The following IMMP2L variants were observed in gnomAD, a reference collection of about 807,000 sequenced individuals.
IMMP2L encodes mitochondrial inner membrane protease subunit 2.
Under a neutral mutation model 19.3 loss-of-function variants are expected in IMMP2L, and 18 were observed. The observed-to-expected ratio is 0.93, with a 90% CI of 0.64 to 1.38. IMMP2L has a LOEUF of 1.38. Among genes scored for constraint, IMMP2L ranks in the 40% most tolerant of loss-of-function variants. The pLI, the probability that IMMP2L is intolerant of heterozygous loss-of-function variation, is 0.00. For missense variants in IMMP2L, 233 were observed against 218.2 expected (o/e 1.07, Z -0.43); for synonymous variants, 76 against 73.0 (o/e 1.04, Z -0.21).
intron 3 of IMMP2L, among the ~76,000 whole-genome samples, chr7:111,131,991 A>G (rs1308460366): frequency 6.6e-6 from 1 of 151,910 alleles, no homozygotes; most frequent in African/African-American, 2.4e-5. Flanking sequence ...GGAACAATCC[A>G]TCAATAGTAC....
At chr7:110,953,215 G>A (rs1472857264) in intron 4 of IMMP2L, among the ~76,000 whole-genome samples, 1 of 151,982 alleles carries the variant, frequency 6.6e-6, no homozygotes, top group Non-Finnish European at 1.5e-5. Flanking sequence ...TGTGCTGAAT[G>A]GGCAGTTTTG....
intron 3 of IMMP2L, among the ~76,000 whole-genome samples, chr7:111,000,519 T>C (rs935532470): frequency 1.3e-5 from 2 of 152,168 alleles, no homozygotes; most frequent in Non-Finnish European, 2.9e-5. Context: ...ATAGCATTTA[T>C]AACTTATTTT....
chr7:111,307,396 T>C (rs753316467), intron 3 of IMMP2L, among the ~76,000 whole-genome samples: 6 of 151,888 alleles, frequency 4.0e-5, no homozygotes, highest in Non-Finnish European at 4.4e-5. Flanking sequence ...GTTTCACTTA[T>C]GCATTTTAGT....
intron 5 of IMMP2L, among the ~76,000 whole-genome samples, chr7:110,767,073 G>T (rs1490885761): frequency 6.6e-6 from 1 of 152,126 alleles, no homozygotes; most frequent in African/African-American, 2.4e-5. Flanking sequence ...AATGCTATCA[G>T]CATTTCCTGT....
At chr7:110,984,549 T>C (rs767035976) in intron 3 of IMMP2L, among the ~76,000 whole-genome samples, 8 of 152,092 alleles carry the variant, frequency 5.3e-5, no homozygotes, top group Non-Finnish European at 7.4e-5. Context: ...TTGAAAAACA[T>C]AGTAATAATT....
In IMMP2L at chr7:111,289,140, C is replaced by T. The variant is rs190314249; in HGVS notation, c.239+198098G>A. 2.0e-5 allele frequency among the ~76,000 whole-genome samples: 3 copies of T among 152,034 alleles called. No individual in the cohort carries two copies. The East Asian group carries it at 5.8e-4, about 29-fold the overall frequency. The stretch of plus-strand genomic sequence containing the variant: ...GCAAGGACATGGATGACACTGGAAA[C>T]CATCATTCTCAGCAAACTAACACAA... On this transcript the variant is annotated intron_variant, in intron 3 of 5. Transcript: ENST00000405709.
chr7:111,264,139 C>A (rs1455904444), intron 3 of IMMP2L, among the ~76,000 whole-genome samples: 1 of 152,122 alleles, frequency 6.6e-6, no homozygotes, highest in Non-Finnish European at 1.5e-5. Context: ...AGTGTTAACA[C>A]TTAAAATGAA....
chr7:110,684,411 C>T (rs1266303128), intron 5 of IMMP2L, among the ~76,000 whole-genome samples: 1 of 151,934 alleles, frequency 6.6e-6, no homozygotes, highest in Non-Finnish European at 1.5e-5. Context: ...TTATAAATTA[C>T]CTTGAGATTA....
At chr7:111,385,494 T>C (rs2131273173) in intron 3 of IMMP2L, among the ~76,000 whole-genome samples, 1 of 152,234 alleles carries the variant, frequency 6.6e-6, no homozygotes, top group South Asian at 2.1e-4. Flanking sequence ...CACATTCGGA[T>C]ACTCCAAAAA....
chr7:110,816,216 A>G (rs979800645), intron 5 of IMMP2L, among the ~76,000 whole-genome samples: 5 of 151,926 alleles, frequency 3.3e-5, no homozygotes, highest in Non-Finnish European at 7.4e-5. Context: ...CCTTCATTTC[A>G]TTATGTACCC....
chr7:111,556,689 T>C (rs1381323178), intron 1 of IMMP2L, among the ~76,000 whole-genome samples: 1 of 152,194 alleles, frequency 6.6e-6, no homozygotes, highest in Admixed American at 6.5e-5. Flanking sequence ...TTCTCTTTTA[T>C]GGTTTCTCCT....
chr7:111,066,235 C>A (rs1292763559), intron 3 of IMMP2L, among the ~76,000 whole-genome samples: 1 of 152,138 alleles, frequency 6.6e-6, no homozygotes, highest in East Asian at 1.9e-4. Context: ...CCCAACTCGG[C>A]CTCCCAAAGT....
rs1043490733 is a variant in IMMP2L at position 111,500,562 on chromosome 7, G to A, written c.136-13221C>T. 5.3e-5 allele frequency among the ~76,000 whole-genome samples: 8 copies of A among 152,154 alleles called. No homozygotes were observed. The South Asian group carries it at 8.3e-4, about 16-fold the overall frequency. On this transcript the variant is annotated intron_variant, in intron 2 of 5. Coordinates refer to ENST00000405709, the MANE Select transcript of IMMP2L (RefSeq NM_032549.4). ...CTAAATGGGAGGCATCCGCCAGTAC[G>A]GGCAGACTGACACCTCACATGGCCG...
At chr7:111,157,143 C>G (rs1425093026) in intron 3 of IMMP2L, among the ~76,000 whole-genome samples, 1 of 151,984 alleles carries the variant, frequency 6.6e-6, no homozygotes, top group East Asian at 1.9e-4. Context: ...TAAATTAGTA[C>G]CGCCACTACA....
chr7:111,169,120 G>C (rs1806153029), intron 3 of IMMP2L, among the ~76,000 whole-genome samples: 1 of 151,908 alleles, frequency 6.6e-6, no homozygotes, highest in Non-Finnish European at 1.5e-5. Flanking sequence ...TGAGATTAAA[G>C]GAGAAGTATG....
chr7:111,061,087 G>A (rs142815544), intron 3 of IMMP2L, among the ~76,000 whole-genome samples: 4 of 152,220 alleles, frequency 2.6e-5, no homozygotes, highest in East Asian at 1.9e-4. Context: ...AAATGTATAT[G>A]CGTGAAGTCT....
In IMMP2L at chr7:110,996,303, G is replaced by T. The variant is rs114294862; in HGVS notation, c.240-32738C>A. On this transcript the variant is annotated intron_variant, in intron 3 of 5. Coordinates refer to ENST00000405709, the MANE Select transcript of IMMP2L (RefSeq NM_032549.4). Reference sequence around the variant, plus strand: ...AGTGCTGTAGGCAAATGGGAAAGTGGCCTGTGGAGGGAAAAACTACAACAC... The same window carrying T: ...AGTGCTGTAGGCAAATGGGAAAGTGTCCTGTGGAGGGAAAAACTACAACAC... 2.7e-3 allele frequency among the ~76,000 whole-genome samples: 404 copies of T among 152,234 alleles called. 1 individual carries two copies. Among genetic ancestry groups the T allele is most frequent in the African/African-American group, 9.3e-3 (385 of 41,552 alleles).
At chr7:111,412,745 G>A (rs920659288) in intron 3 of IMMP2L, among the ~76,000 whole-genome samples, 7 of 151,692 alleles carry the variant, frequency 4.6e-5, no homozygotes, top group African/African-American at 1.7e-4. Flanking sequence ...TCTGGGGATG[G>A]GAGACAGAAT....
Position 111,133,068 on chromosome 7 carries a change from T to C in IMMP2L, c.240-169503A>G, listed in dbSNP as rs78527864. On this transcript the variant is annotated intron_variant, in intron 3 of 5. Coordinates refer to ENST00000405709, the MANE Select transcript of IMMP2L (RefSeq NM_032549.4). ...TGCTCCTTCCAAGGATCAGGTCTAA[T>C]AGTAGCAAGGTTTCTAAGCAGGGAA... is the stretch of plus-strand genomic sequence containing the variant. Among the ~76,000 whole-genome samples the C allele has an allele frequency of 8.8e-3, 1,337 of 152,110 alleles. 16 individuals carry two copies. The highest frequency in any genetic ancestry group is 0.013 in the South Asian group (61 of 4,822).
Sources: allele counts gnomAD v4.1 joint callset (sites outside exome capture counted in the v4.1 genomes callset), GRCh38; gene constraint gnomAD v4.1.1; transcripts MANE v1.5; gene names NCBI Gene and HGNC (gene_info 2026-07-23, HGNC 2026-07-21).